Variants in INVS observed in about 807,000 individuals in gnomAD.
The protein encoded by INVS is inversion of embryo turning homolog.
INVS carries 86 observed loss-of-function variants against 108.8 expected under a neutral mutation model. The observed-to-expected ratio is 0.79, with a 90% CI of 0.66 to 0.95. The LOEUF is 0.95. Ranked by LOEUF, INVS falls within the 40% of genes least tolerant of loss-of-function variation. The pLI is 0.00. For synonymous variants in INVS, 455 were observed against 473.5 expected (o/e 0.96, Z 0.51); for missense variants, 1,169 against 1,297.4 (o/e 0.90, Z 1.52).
chr9:100,240,369 GTTTTATAAACTA>G, intron 6 of INVS, 129 bp downstream of exon 6: 1 of 620,040 alleles, frequency 1.6e-6, no homozygotes, highest in Non-Finnish European at 2.8e-6. Flanking sequence ...ATGTTGCATT[GTTTTATAAACTA>G]AATTATAGTA....
chr9:100,284,460 A>G lies in INVS; in HGVS notation c.1925A>G (p.Lys642Arg), dbSNP rs116314059. Residue 642 changes from lysine to arginine, a missense_variant, in exon 13 of 17, where the codon AAG (lysine) becomes AGG (arginine). By Grantham distance (26) the Lys-to-Arg change is conservative (BLOSUM62 2). Coordinates refer to ENST00000262457, the MANE Select transcript of INVS (RefSeq NM_014425.5). The part of the protein sequence containing the change: ...VPSRQSRAPS[K>R]QPPAGNVAQG... The stretch of plus-strand genomic sequence containing the variant: ...AGCAGGCAGAGCCGGGCCCCCAGCA[A>G]GCAGCCTCCTGCTGGCAACGTGGCC... 219 of 1,614,176 alleles carry G rather than the reference A, an allele frequency of 1.4e-4. 2 individuals are homozygous for G. In the African/African-American group the frequency reaches 2.6e-3, roughly 19 times the overall value.
In INVS at chr9:100,298,013, A is replaced by C. The variant is rs140515741; in HGVS notation, c.3091+3A>C. 6.2e-7 allele frequency: 1 copy of C among 1,614,080 alleles called. No homozygotes were observed. Among genetic ancestry groups the C allele is most frequent in the African/African-American group, 1.3e-5 (1 of 75,062 alleles). The stretch of plus-strand genomic sequence containing the variant: ...TTCTGTGCTGCGTCTCAACTCAGGT[A>C]AGGCAGCCACTGCAAAGCAGATGGT... On this transcript the variant is annotated splice_donor_region_variant and intron_variant, in intron 16 of 16. Coordinates refer to ENST00000262457, the MANE Select transcript of INVS (RefSeq NM_014425.5).
intron 11 of INVS, among the ~76,000 whole-genome samples, chr9:100,267,638 GACAC>G (rs1049089507): frequency 1.1e-4 from 17 of 152,184 alleles, no homozygotes; most frequent in African/African-American, 4.1e-4. Context: ...ATAACTATCT[GACAC>G]ACTCACCCCA....
chr9:100,242,683 A>C lies in INVS; in HGVS notation c.906+4A>C. 1 of 1,506,144 alleles carries C rather than the reference A, an allele frequency of 6.6e-7. No individual in the cohort carries two copies. Among genetic ancestry groups the C allele is most frequent in the Non-Finnish European group, 9.2e-7 (1 of 1,081,762 alleles). The allele number at this position is 1,506,144 out of a possible 1,614,324, so 93.3% of individuals were successfully genotyped here. On this transcript the variant is annotated splice_donor_region_variant and intron_variant, in intron 7 of 16. Coordinates refer to ENST00000262457, the MANE Select transcript of INVS (RefSeq NM_014425.5). ...TGCTGCTCAGAGTAACTTTGCTGTA[A>C]GTAAAACAAGACAATGCTCTTTTTT...
intron 3 of INVS, among the ~76,000 whole-genome samples, chr9:100,198,554 G>A (rs1830452046): frequency 6.6e-6 from 1 of 150,976 alleles, no homozygotes; most frequent in Non-Finnish European, 1.5e-5. Flanking sequence ...GCCTCCCAAA[G>A]TACTGGGATT....
chr9:100,251,471 T>C (rs915779790), intron 8 of INVS, among the ~76,000 whole-genome samples: 3 of 152,260 alleles, frequency 2.0e-5, no homozygotes, highest in Non-Finnish European at 4.4e-5. Context: ...GAAACACATT[T>C]AATCAAAATT....
In INVS at chr9:100,287,846, T is replaced by C. The variant is rs11999065; in HGVS notation, c.2068+3243T>C. On this transcript the variant is annotated intron_variant, in intron 13 of 16. Coordinates refer to ENST00000262457, the MANE Select transcript of INVS (RefSeq NM_014425.5). The stretch of plus-strand genomic sequence containing the variant: ...AGGAACGGACTAATACATCCCTATC[T>C]CAGTACCCCAAAATCTCATCCTGAT... 4.4e-3 allele frequency among the ~76,000 whole-genome samples: 663 copies of C among 152,214 alleles called. 7 individuals are homozygous for C. The highest frequency in any genetic ancestry group is 0.015 in the African/African-American group (624 of 41,516).
intron 8 of INVS, among the ~76,000 whole-genome samples, chr9:100,248,395 G>T (rs1279900899): frequency 1.3e-5 from 2 of 151,590 alleles, no homozygotes; most frequent in African/African-American, 2.4e-5. Context: ...CTTCAATGGG[G>T]ATTTTATTAT....
At chr9:100,296,845 A>T in intron 14 of INVS, 72 bp from the exon 15 acceptor site, 1 of 1,216,870 alleles carries the variant, frequency 8.2e-7, no homozygotes, top group Non-Finnish European at 1.2e-6. Flanking sequence ...TATAGCTTCT[A>T]GAAACCTTAA....
chr9:100,294,268 T>A (rs907005813), intron 14 of INVS, among the ~76,000 whole-genome samples: 1 of 152,092 alleles, frequency 6.6e-6, no homozygotes, highest in South Asian at 2.1e-4. Context: ...CACAGGTGTA[T>A]GAGATATCGA....
At chr9:100,299,356 C>T (rs1833882161) in intron 16 of INVS, among the ~76,000 whole-genome samples, 1 of 151,968 alleles carries the variant, frequency 6.6e-6, no homozygotes, top group South Asian at 2.1e-4. Context: ...AACCCCCCAC[C>T]CCCGAGGTTT....
At chr9:100,183,895 A>T (rs564094946) in intron 3 of INVS, among the ~76,000 whole-genome samples, 3 of 151,824 alleles carry the variant, frequency 2.0e-5, no homozygotes, top group Non-Finnish European at 4.4e-5. Flanking sequence ...ATTGCTATTT[A>T]AAGCAAAAAT....
At chr9:100,100,732 T>TATATATATTATATATACATATATA (rs1826852839) in intron 1 of INVS, among the ~76,000 whole-genome samples, 1 of 27,170 alleles carries the variant, frequency 3.7e-5, no homozygotes, top group Non-Finnish European at 5.5e-5. Flanking sequence ...GTACATATAA[T>TATATATATTATATATACATATATA]ATATATATTA....
chr9:100,279,888 T>A (rs1041640520), intron 12 of INVS, among the ~76,000 whole-genome samples: 1 of 152,158 alleles, frequency 6.6e-6, no homozygotes, highest in Non-Finnish European at 1.5e-5. Context: ...TCGCAGTATT[T>A]AGAAGGCACA....
intron 3 of INVS, among the ~76,000 whole-genome samples, chr9:100,156,355 G>A (rs1355209047): frequency 6.7e-6 from 1 of 149,354 alleles, no homozygotes; most frequent in African/African-American, 2.5e-5. Flanking sequence ...CTGTCTCCTG[G>A]GTTCAAGCAA....
intron 3 of INVS, among the ~76,000 whole-genome samples, chr9:100,147,280 A>C (rs1446024329): frequency 6.6e-6 from 1 of 152,190 alleles, no homozygotes; most frequent in East Asian, 1.9e-4. Flanking sequence ...AGTCAAAGAC[A>C]ACCTGGGAAA....
In INVS at chr9:100,137,693, C is replaced by T. The variant is rs1828271322; in HGVS notation, c.273+11144C>T. Among the ~76,000 whole-genome samples, 4 of 152,026 alleles carry T rather than the reference C, an allele frequency of 2.6e-5. No homozygotes were observed. The South Asian group carries it at 8.3e-4, about 32-fold the overall frequency. ...CTGATTGATGTGTATGCCAAAGACC[C>T]TGAAAGGCAGCAAAGTTATACATAG... On this transcript the variant is annotated intron_variant, in intron 3 of 16. Coordinates refer to ENST00000262457, the MANE Select transcript of INVS (RefSeq NM_014425.5).
At chr9:100,231,223 AT>A (rs770919684) in intron 5 of INVS, among the ~76,000 whole-genome samples, 7 of 152,222 alleles carry the variant, frequency 4.6e-5, no homozygotes, top group East Asian at 1.9e-4. Flanking sequence ...TTAAAGTATT[AT>A]TTTTTAATCG....
intron 3 of INVS, among the ~76,000 whole-genome samples, chr9:100,166,781 T>G (rs1200599848): frequency 6.6e-6 from 1 of 152,180 alleles, no homozygotes; most frequent in Non-Finnish European, 1.5e-5. Flanking sequence ...CACCATCATG[T>G]TGGGTTAGAT....
Sources: allele counts gnomAD v4.1 joint callset (sites outside exome capture counted in the v4.1 genomes callset), GRCh38; gene constraint gnomAD v4.1.1; transcripts MANE v1.5; gene names NCBI Gene and HGNC (gene_info 2026-07-23, HGNC 2026-07-21).